The following ABCA13 variants were observed in gnomAD, a reference collection of about 807,000 sequenced individuals.
ABCA13 encodes ATP binding cassette subfamily A member 13.
In ABCA13, 476 loss-of-function variants were observed where a neutral mutation model predicts 478.7. That is an observed-to-expected ratio of 0.99 (90% CI 0.92 to 1.07). The LOEUF (loss-of-function observed/expected upper bound fraction) is 1.07. ABCA13 is among the 50% of genes least tolerant of loss of function. ABCA13 has a pLI of 0.00. For synonymous variants in ABCA13, 2,252 were observed against 2,158.9 expected, an observed-to-expected ratio of 1.04 and a Z score of -1.20; for missense variants, 6,060 against 5,910.6, an observed-to-expected ratio of 1.03 and a Z score of -0.83.
chr7:48,589,073 C>T (rs1240330912), intron 57 of ABCA13, among the ~76,000 whole-genome samples: 1 of 152,124 alleles, frequency 6.6e-6, no homozygotes, highest in Non-Finnish European at 1.5e-5. Flanking sequence ...GTTTATGAAC[C>T]TAAGCTCTTA....
At chr7:48,238,490 A>G (rs1277434172) in intron 8 of ABCA13, among the ~76,000 whole-genome samples, 2 of 150,122 alleles carry the variant, frequency 1.3e-5, no homozygotes, top group African/African-American at 4.9e-5. Context: ...TTTCTTTAAG[A>G]CAGAGTCTCA....
At chr7:48,336,711 C>T (rs1056504408) in intron 28 of ABCA13, among the ~76,000 whole-genome samples, 2 of 152,198 alleles carry the variant, frequency 1.3e-5, no homozygotes, top group African/African-American at 4.8e-5. Context: ...CTGCCATTTC[C>T]GTTTCCTGCA....
At chr7:48,252,962 C>A (rs1449530508) in intron 15 of ABCA13, among the ~76,000 whole-genome samples, 5 of 152,052 alleles carry the variant, frequency 3.3e-5, no homozygotes, top group Non-Finnish European at 5.9e-5. Context: ...CAGGGGAAGA[C>A]CTTCATTGCC....
In ABCA13 at chr7:48,171,541, C is replaced by A; in HGVS notation, c.58C>A (p.Leu20Ile). The stretch of plus-strand genomic sequence containing the variant: ...GCTGTGGAAGAATTGGCTCTGCAGA[C>A]TCAGGAACCCGGTGAGTGCTTGCCT... ...ALLWKNWLCR[L>I]RNPVLFLAEF... Residue 20 changes from leucine to isoleucine, a missense_variant, in exon 1 of 62, where the codon CTC becomes ATC. Leu to Ile is a conservative substitution (Grantham distance 5). This residue lies in a region of ABCA13 where 4,423 missense variants were observed against 4,309.1 expected (regional missense o/e 1.03). Transcript: ENST00000435803. 6.5e-7 allele frequency: 1 copy of A among 1,536,418 alleles called. No homozygotes were observed. Among genetic ancestry groups the A allele is most frequent in the Non-Finnish European group, 8.7e-7 (1 of 1,146,898 alleles).
At chr7:48,519,107 T>C (rs1050511854) in intron 52 of ABCA13, among the ~76,000 whole-genome samples, 28 of 152,184 alleles carry the variant, frequency 1.8e-4, no homozygotes, top group African/African-American at 6.5e-4. Context: ...GGATAATGGC[T>C]TTCTTGCTCC....
In ABCA13 at chr7:48,275,603, T is replaced by G. The variant is rs756122943; in HGVS notation, c.5937T>G (p.Ser1979Arg). 1.2e-6 allele frequency: 2 copies of G among 1,611,406 alleles called. No homozygotes were observed. Among genetic ancestry groups the G allele is most frequent in the Non-Finnish European group, 1.7e-6 (2 of 1,178,376 alleles). Residue 1979 changes from serine to arginine, a missense_variant, in exon 17 of 62, where the codon AGT (serine) becomes AGG (arginine). Transcript: ENST00000435803. ...AAAATATTCTTGACAAACTAAGTAG[T>G]TTAAACAAGATCCTTAACATTAATG... ...SGENILDKLS[S>R]LNKILNINED...
chr7:48,273,060 T>C lies in ABCA13; in HGVS notation c.3394T>C (p.Ser1132Pro). The change falls in exon 17 of 62, where the codon TCA becomes CCA. Residue 1132 changes from serine to proline, a missense_variant. By Grantham distance (74) the Ser-to-Pro change is moderately conservative. This residue lies in a region of ABCA13 where 4,423 missense variants were observed against 4,309.1 expected (regional missense o/e 1.03). Transcript: ENST00000435803. ...ATTGGCACAAATTTTTTCAAACCTC[T>C]CAGCAAATGTCAGTGTGTTCAACAA... ...FPLAQIFSNL[S>P]ANVSVFNKFM... The C allele has an allele frequency of 6.2e-7, 1 of 1,613,628 alleles. No homozygotes were observed.
chr7:48,262,135 T>C (rs766236529), intron 15 of ABCA13, among the ~76,000 whole-genome samples: 4 of 151,974 alleles, frequency 2.6e-5, no homozygotes, highest in African/African-American at 9.7e-5. Flanking sequence ...ATATCATTGT[T>C]CAAAAATAAC....
At chr7:48,320,363 G>T (rs897723760) in intron 27 of ABCA13, among the ~76,000 whole-genome samples, 6 of 152,294 alleles carry the variant, frequency 3.9e-5, no homozygotes, top group African/African-American at 1.4e-4. Context: ...ATTGATTTGG[G>T]TTTTGGTTTG....
intron 50 of ABCA13, among the ~76,000 whole-genome samples, chr7:48,508,839 CA>C (rs1478375129): frequency 4.6e-5 from 7 of 152,308 alleles, no homozygotes; most frequent in Non-Finnish European, 1.0e-4. Flanking sequence ...CGCATATTAA[CA>C]TGTTGCTTTC....
In ABCA13 at chr7:48,245,889, G is replaced by A. The variant is rs745362989; in HGVS notation, c.1518G>A (p.Pro506=). The change falls in exon 13 of 62, where the codon CCG becomes CCA. Residue 506 remains proline (P), a synonymous_variant. Transcript: ENST00000435803. The part of the protein sequence containing the change: ...KQMLAKNAVC[P]NGRFSEKEVF... Reference sequence around the variant, plus strand: ...TGTTGGCGAAGAATGCTGTCTGCCCGAATGGTCGTTTCTCTGAGAAGGAGG... The same window carrying A: ...TGTTGGCGAAGAATGCTGTCTGCCCAAATGGTCGTTTCTCTGAGAAGGAGG... 4 of 1,613,166 alleles carry A rather than the reference G, an allele frequency of 2.5e-6. No individual in the cohort carries two copies. The highest frequency in any genetic ancestry group is 3.4e-6 in the Non-Finnish European group (4 of 1,179,582).
In ABCA13 at chr7:48,474,416, A is replaced by G. The variant is rs148028539; in HGVS notation, c.12975+2817A>G. Among the ~76,000 whole-genome samples, 319 of 152,320 alleles carry G rather than the reference A, an allele frequency of 2.1e-3. 2 individuals are homozygous for G. Among genetic ancestry groups the G allele is most frequent in the African/African-American group, 7.1e-3 (296 of 41,574 alleles). ...AGATGATTAGATGATTAGAAATTAG[A>G]TGATTCTCCTGGAATTTGAGTGAGC... On this transcript the variant is annotated intron_variant, in intron 45 of 61. Transcript: ENST00000435803.
At chr7:48,339,813 C>G (rs547603732) in intron 29 of ABCA13, among the ~76,000 whole-genome samples, 6 of 152,236 alleles carry the variant, frequency 3.9e-5, no homozygotes, top group African/African-American at 1.4e-4. Flanking sequence ...TCCATCCGAC[C>G]CTGTACAGCC....
chr7:48,383,676 A>C (rs576795049), intron 35 of ABCA13, among the ~76,000 whole-genome samples: 1 of 152,206 alleles, frequency 6.6e-6, no homozygotes, highest in Non-Finnish European at 1.5e-5. Context: ...TTATTGTAAA[A>C]TGTTTGAAAA....
At chr7:48,407,319 C>T (rs904601518) in intron 39 of ABCA13, among the ~76,000 whole-genome samples, 1 of 151,372 alleles carries the variant, frequency 6.6e-6, no homozygotes, top group Non-Finnish European at 1.5e-5. Flanking sequence ...ACTAAAAATA[C>T]AAAAAAATTA....
At chr7:48,461,360 T>G (rs1419012165) in intron 43 of ABCA13, among the ~76,000 whole-genome samples, 1 of 152,188 alleles carries the variant, frequency 6.6e-6, no homozygotes, top group Non-Finnish European at 1.5e-5. Context: ...TGGACCGACT[T>G]TGCATGTCCA....
intron 2 of ABCA13, 27 bp from the exon 3 acceptor site, chr7:48,198,206 GGACT>G: frequency 6.3e-7 from 1 of 1,599,490 alleles, no homozygotes; most frequent in Admixed American, 1.7e-5. Context: ...GCAGGTATAC[GGACT>G]CATTTCTTCT....
At chr7:48,562,101 G>A (rs751825076) in intron 55 of ABCA13, among the ~76,000 whole-genome samples, 2 of 132,096 alleles carry the variant, frequency 1.5e-5, no homozygotes, top group Non-Finnish European at 3.1e-5. Context: ...ATATGCATAT[G>A]TATGGGGGGG....
intron 1 of ABCA13, among the ~76,000 whole-genome samples, chr7:48,174,386 G>C (rs1794564170): frequency 6.6e-6 from 1 of 151,748 alleles, no homozygotes; most frequent in Non-Finnish European, 1.5e-5. Context: ...TTCATAAAGA[G>C]CAAATCAGTA....
Sources: allele counts gnomAD v4.1 joint callset (sites outside exome capture counted in the v4.1 genomes callset), GRCh38; gene constraint gnomAD v4.1.1; regional missense constraint gnomAD v4.1.1; transcripts MANE v1.5; gene names NCBI Gene and HGNC (gene_info 2026-07-23, HGNC 2026-07-21).